The following SCLT1 variants were observed in gnomAD, a reference collection of about 807,000 sequenced individuals.
The protein encoded by SCLT1 is sodium channel-associated protein 1.
A neutral mutation model predicts 112.8 loss-of-function variants in SCLT1; 78 were observed. The observed-to-expected ratio is 0.69, with a 90% confidence interval of 0.58 to 0.83. The LOEUF is 0.83. Among genes scored for constraint, SCLT1 ranks in the 40% least tolerant of loss-of-function variants. SCLT1 has a pLI of 0.00. For synonymous variants in SCLT1, 257 were observed against 254.7 expected (o/e 1.01, Z -0.09); for missense variants, 747 against 770.4 (o/e 0.97, Z 0.36).
At chr4:129,007,809 CCT>C (rs746831610) in intron 5 of SCLT1, among the ~76,000 whole-genome samples, 1 of 152,056 alleles carries the variant, frequency 6.6e-6, no homozygotes, top group Non-Finnish European at 1.5e-5. Context: ...AAACAAAACA[CCT>C]CTCTTTTTGT....
At chr4:128,984,988 T>G (rs369531293) in intron 9 of SCLT1, among the ~76,000 whole-genome samples, 54 of 152,290 alleles carry the variant, frequency 3.5e-4, no homozygotes, top group East Asian at 2.7e-3. Flanking sequence ...TTTTTAAATA[T>G]AAACACTGTT....
At chr4:128,922,023 C>T (rs34843640) in intron 18 of SCLT1, among the ~76,000 whole-genome samples, 22,422 of 152,122 alleles carry the variant, frequency 0.15, 1,936 homozygotes, top group Middle Eastern at 0.3. Flanking sequence ...AACATACATG[C>T]GGCCAACAAG....
At chr4:128,881,949 G>T (rs1312566875), downstream of SCLT1, among the ~76,000 whole-genome samples, 1 of 152,080 alleles carries the variant, frequency 6.6e-6, no homozygotes, top group African/African-American at 2.4e-5. Flanking sequence ...ATCTAAGTAC[G>T]CAAGGAGATC....
At position 129,093,197 on chromosome 4, in the gene SCLT1, C is replaced by A; in HGVS notation, c.-94G>T. On this transcript the variant is annotated 5_prime_UTR_variant, in exon 1 of 21. Transcript: ENST00000281142. ...GCGGGAAAACAAAACTAAGCCAACGCTCGGTTGGTTGTCAAGCGCTCCAGC... is the reference window on the plus strand; with the variant it reads ...GCGGGAAAACAAAACTAAGCCAACGATCGGTTGGTTGTCAAGCGCTCCAGC... 8.2e-7 allele frequency: 1 copy of A among 1,214,752 alleles called. No individual in the cohort carries two copies. Among genetic ancestry groups the A allele is most frequent in the South Asian group, 1.2e-5 (1 of 82,890 alleles). 75.2% of individuals were successfully genotyped at this position (1,214,752 alleles called of 1,614,324 possible).
Position 129,043,955 on chromosome 4 carries a change from A to G in SCLT1, c.161+38T>C, listed in dbSNP as rs191648020. On this transcript the variant is annotated intron_variant, in intron 3 of 20. Coordinates refer to ENST00000281142, the MANE Select transcript of SCLT1 (RefSeq NM_144643.4). Reference sequence around the variant, plus strand: ...TGAATTATGCTAATAATAATTAAATATAACGAAGAAAATGATATTATTCTG... The same window carrying G: ...TGAATTATGCTAATAATAATTAAATGTAACGAAGAAAATGATATTATTCTG... 1.0e-5 allele frequency: 10 copies of G among 991,114 alleles called. No individual in the cohort carries two copies. The East Asian group carries it at 2.4e-4, about 24-fold the overall frequency. The allele number at this position is 991,114 out of a possible 1,614,324, so 61.4% of individuals were successfully genotyped here. A position where few individuals can be genotyped will look rare whatever the true frequency, so the allele number is the denominator to read the frequency against.
At chr4:128,923,978 T>A (rs1297126924) in intron 18 of SCLT1, among the ~76,000 whole-genome samples, 6 of 151,960 alleles carry the variant, frequency 3.9e-5, no homozygotes, top group African/African-American at 1.5e-4. Context: ...CTGGTTAATT[T>A]TATTATTTTT....
intron 2 of SCLT1, among the ~76,000 whole-genome samples, chr4:129,070,071 T>G (rs1475362206): frequency 2.6e-5 from 4 of 152,166 alleles, no homozygotes; most frequent in African/African-American, 9.6e-5. Context: ...TTGACTTGCA[T>G]ATGTTAAACC....
intron 9 of SCLT1, among the ~76,000 whole-genome samples, chr4:128,981,511 C>T (rs1741647253): frequency 6.6e-6 from 1 of 152,042 alleles, no homozygotes; most frequent in African/African-American, 2.4e-5. Flanking sequence ...GCATTTCTGA[C>T]AGCCGGATGG....
intron 18 of SCLT1, among the ~76,000 whole-genome samples, chr4:128,931,609 T>C (rs1736769347): frequency 6.6e-6 from 1 of 152,084 alleles, no homozygotes; most frequent in South Asian, 2.1e-4. Context: ...ACTATAGGCA[T>C]CTGCCACCAC....
intron 5 of SCLT1, 63 bp from the exon 6 acceptor site, chr4:129,003,939 G>A (rs1743765391): frequency 1.4e-6 from 2 of 1,465,248 alleles, no homozygotes; most frequent in South Asian, 2.5e-5. Context: ...TTACTGTTTC[G>A]AGGTCAATTA....
At chr4:128,882,815 A>G (rs11940298), downstream of SCLT1, among the ~76,000 whole-genome samples, 29,937 of 152,060 alleles carry the variant, frequency 0.2, 3,135 homozygotes, top group Middle Eastern at 0.31. Flanking sequence ...TGAGGAACTG[A>G]TATTTGAGTA....
intron 18 of SCLT1, among the ~76,000 whole-genome samples, chr4:128,897,459 A>C (rs954246779): frequency 2.8e-5 from 4 of 144,992 alleles, no homozygotes; most frequent in Non-Finnish European, 6.0e-5. Context: ...AATCCTTTAC[A>C]GACAAGCAAA....
At chr4:128,936,576 A>G (rs1050921724) in intron 18 of SCLT1, 79 bp downstream of exon 18, 1 of 793,298 alleles carries the variant, frequency 1.3e-6, no homozygotes, top group African/African-American at 1.8e-5. Flanking sequence ...TTTTTAAAAA[A>G]GATTATGGCA....
intron 2 of SCLT1, among the ~76,000 whole-genome samples, chr4:129,080,895 G>A (rs1004457002): frequency 6.6e-6 from 1 of 152,150 alleles, no homozygotes; most frequent in African/African-American, 2.4e-5. Flanking sequence ...AGTTTCTGGG[G>A]TGCCAGATGA....
At chr4:128,961,168 A>G (rs1352089738) in intron 11 of SCLT1, among the ~76,000 whole-genome samples, 5 of 151,880 alleles carry the variant, frequency 3.3e-5, no homozygotes, top group Non-Finnish European at 7.4e-5. Flanking sequence ...TGTCAGTGTA[A>G]TCTCTTAGAT....
At chr4:128,890,906 C>T (rs1177997155) in intron 19 of SCLT1, among the ~76,000 whole-genome samples, 153 bp downstream of exon 19, 1 of 152,154 alleles carries the variant, frequency 6.6e-6, no homozygotes, top group African/African-American at 2.4e-5. Flanking sequence ...CTTTTATTCA[C>T]ATTATATTGC....
intron 18 of SCLT1, among the ~76,000 whole-genome samples, chr4:128,918,582 C>T (rs1302611935): frequency 1.3e-5 from 2 of 151,936 alleles, no homozygotes; most frequent in African/African-American, 4.8e-5. Context: ...CTCCACATAC[C>T]AATATTAACC....
chr4:129,006,199 A>C (rs1181073831), intron 5 of SCLT1, among the ~76,000 whole-genome samples: 1 of 152,202 alleles, frequency 6.6e-6, no homozygotes, highest in Non-Finnish European at 1.5e-5. Flanking sequence ...AAATGTAGTT[A>C]TAACAAGCAG....
intron 1 of SCLT1, among the ~76,000 whole-genome samples, chr4:129,085,280 T>C (rs1752296610): frequency 1.3e-5 from 2 of 152,162 alleles, no homozygotes; most frequent in Non-Finnish European, 2.9e-5. Context: ...ACATCACTGA[T>C]CATTAGAGAA....
Sources: gnomAD v4.1 joint callset for allele counts (sites outside exome capture counted in the v4.1 genomes callset) on GRCh38, gnomAD v4.1.1 for gene constraint, MANE v1.5 for transcripts, NCBI Gene and HGNC (gene_info 2026-07-23, HGNC 2026-07-21) for gene names.